NRXN1: variants seen among roughly 807,000 people sequenced by gnomAD.
The protein encoded by NRXN1 is neurexin-1.
Under a neutral mutation model 150.9 loss-of-function variants are expected in NRXN1, and 39 were observed. That is an observed-to-expected ratio of 0.26 (90% CI 0.20 to 0.34). The LOEUF is 0.34. NRXN1 is among the 10% of genes least tolerant of loss of function. The pLI is 1.00. For synonymous variants in NRXN1, 924 were observed against 757.0 expected (o/e 1.22, Z -3.62); for missense variants, 1,815 against 1,949.9 (o/e 0.93, Z 1.30).
At chr2:50,890,922 GAATAA>G (rs1680949715) in intron 5 of NRXN1, among the ~76,000 whole-genome samples, 1 of 151,784 alleles carries the variant, frequency 6.6e-6, no homozygotes, top group Non-Finnish European at 1.5e-5. Context: ...TCAACGTAAA[GAATAA>G]AATAAGTAGA....
chr2:51,028,366 C>T lies in NRXN1; in HGVS notation c.-93G>A. The T allele has an allele frequency of 1.2e-6, 1 of 841,070 alleles. No homozygotes were observed. The highest frequency in any genetic ancestry group is 2.6e-5 in the South Asian group (1 of 39,136). The allele number at this position is 841,070 out of a possible 1,614,324, so 52.1% of individuals were successfully genotyped here. A position where few individuals can be genotyped will look rare whatever the true frequency, so the allele number is the denominator to read the frequency against. On this transcript the variant is annotated 5_prime_UTR_variant, in exon 2 of 23. Transcript: ENST00000401669. ...ACGAAGAAATAAGGGTCCCGAGAGA[C>T]AGAAAGGTAAGGGGAAAGGCGGGAG...
intron 18 of NRXN1, among the ~76,000 whole-genome samples, chr2:50,184,732 A>ATTTTTTTTTTTTTTTTTTTTTTTTTT (rs2060953350): frequency 2.0e-5 from 3 of 151,346 alleles, no homozygotes; most frequent in African/African-American, 7.3e-5. Flanking sequence ...CAATCTTTTA[A>ATTTTTTTTTTTTTTTTTTTTTTTTTT]TTTAACAAAT....
At chr2:50,081,593 C>T (rs1252125071) in intron 19 of NRXN1, among the ~76,000 whole-genome samples, 3 of 152,130 alleles carry the variant, frequency 2.0e-5, no homozygotes, top group South Asian at 2.1e-4. Context: ...TTACAAGATA[C>T]GAAAAGTGGG....
intron 12 of NRXN1, among the ~76,000 whole-genome samples, chr2:50,510,916 T>G (rs922306366): frequency 6.6e-6 from 1 of 152,126 alleles, no homozygotes; most frequent in Non-Finnish European, 1.5e-5. Context: ...ATTTTAGAAC[T>G]AGGAGGGACA....
intron 19 of NRXN1, among the ~76,000 whole-genome samples, chr2:50,084,737 G>T (rs1282330320): frequency 6.6e-6 from 1 of 152,170 alleles, no homozygotes; most frequent in Non-Finnish European, 1.5e-5. Context: ...GCGAGGGAGG[G>T]CTGCTAGCAC....
chr2:50,687,141 A>C (rs921052529), intron 5 of NRXN1, among the ~76,000 whole-genome samples: 1 of 152,178 alleles, frequency 6.6e-6, no homozygotes, highest in East Asian at 1.9e-4. Context: ...GACACTATTT[A>C]CAACCAAATT....
At chr2:50,095,764 C>CT (rs5831084) in intron 18 of NRXN1, among the ~76,000 whole-genome samples, 1 of 146,198 alleles carries the variant, frequency 6.8e-6, no homozygotes, top group Non-Finnish European at 1.5e-5. Context: ...GAACATCCGA[C>CT]TTTTTTTTTT....
At chr2:50,292,106 C>A (rs1025278005) in intron 17 of NRXN1, among the ~76,000 whole-genome samples, 22 of 152,286 alleles carry the variant, frequency 1.4e-4, no homozygotes, top group African/African-American at 5.1e-4. Context: ...AACCAAGGTG[C>A]TTGGCCAAAT....
chr2:50,950,388 G>A (rs1691118788), intron 2 of NRXN1, among the ~76,000 whole-genome samples: 2 of 152,182 alleles, frequency 1.3e-5, no homozygotes, highest in African/African-American at 2.4e-5. Context: ...GACAATTTAG[G>A]CTGGCTTTCA....
At chr2:50,303,503 C>T (rs899024478) in intron 17 of NRXN1, among the ~76,000 whole-genome samples, 1 of 152,186 alleles carries the variant, frequency 6.6e-6, no homozygotes, top group African/African-American at 2.4e-5. Context: ...TCATGCATTA[C>T]TCATGACTTG....
intron 5 of NRXN1, among the ~76,000 whole-genome samples, chr2:50,781,750 A>T (rs1704381992): frequency 1.3e-5 from 2 of 152,224 alleles, no homozygotes; most frequent in Admixed American, 1.3e-4. Context: ...TCATCTAAAA[A>T]TATTTATGCC....
intron 17 of NRXN1, among the ~76,000 whole-genome samples, chr2:50,317,008 G>A (rs1558512541): frequency 2.0e-5 from 3 of 151,894 alleles, no homozygotes; most frequent in South Asian, 2.1e-4. Flanking sequence ...TGGGATCCAC[G>A]AGGACATTAT....
At chr2:50,590,244 T>C (rs577443202) in intron 8 of NRXN1, among the ~76,000 whole-genome samples, 14 of 152,310 alleles carry the variant, frequency 9.2e-5, no homozygotes, top group African/African-American at 3.4e-4. Flanking sequence ...AAGATTGTAT[T>C]TACTTTTTTA....
chr2:50,496,159 G>A lies in NRXN1; in HGVS notation c.2880-64C>T, dbSNP rs747534833. ...TTTAAATTTTGATGAACCTAAAGTA[G>A]ATATTACAAATGGAGATTTTTTTTC... On this transcript the variant is annotated intron_variant, in intron 14 of 22. Coordinates refer to ENST00000401669, the MANE Select transcript of NRXN1 (RefSeq NM_001330078.2). 7 of 1,294,562 alleles carry A rather than the reference G, an allele frequency of 5.4e-6. No homozygotes were observed. In the East Asian group the frequency reaches 1.5e-4, roughly 28 times the overall value. The allele number at this position is 1,294,562 out of a possible 1,614,324, so 80.2% of individuals were successfully genotyped here. A position where few individuals can be genotyped will look rare whatever the true frequency, so the allele number is the denominator to read the frequency against.
rs1253398015 is a variant in NRXN1, at chr2:51,021,071, A to G, written c.772+6431T>C. 2.6e-5 allele frequency among the ~76,000 whole-genome samples: 4 copies of G among 152,032 alleles called. No individual in the cohort carries two copies. The East Asian group carries it at 7.7e-4, about 29-fold the overall frequency. ...ACTTATGAATAATGAATAAAAGAAA[A>G]GGAACTGGGCCACAAAATTATAGAG... On this transcript the variant is annotated intron_variant, in intron 2 of 22. Transcript: ENST00000401669.
At chr2:50,165,976 T>C (rs2059657099) in intron 18 of NRXN1, among the ~76,000 whole-genome samples, 1 of 152,148 alleles carries the variant, frequency 6.6e-6, no homozygotes, top group South Asian at 2.1e-4. Context: ...GACCCTTATC[T>C]TTGTATAATT....
At chr2:50,316,023 G>A (rs537013592) in intron 17 of NRXN1, among the ~76,000 whole-genome samples, 91 of 152,202 alleles carry the variant, frequency 6.0e-4, no homozygotes, top group African/African-American at 2.1e-3. Flanking sequence ...GAAGGAGTTG[G>A]TAGTATGCCT....
At chr2:50,993,866 A>G (rs1489168880) in intron 2 of NRXN1, among the ~76,000 whole-genome samples, 1 of 151,990 alleles carries the variant, frequency 6.6e-6, no homozygotes, top group Non-Finnish European at 1.5e-5. Flanking sequence ...TATGCTGAAA[A>G]GGGGAACCCA....
intron 2 of NRXN1, chr2:50,979,240 T>C (rs376364967): frequency 1.9e-6 from 1 of 517,314 alleles, no homozygotes; most frequent in Non-Finnish European, 3.9e-6. Flanking sequence ...ACTAAGATTC[T>C]CCAGCTAAGA....
Sources: gnomAD v4.1 joint callset for allele counts (sites outside exome capture counted in the v4.1 genomes callset) on GRCh38, gnomAD v4.1.1 for gene constraint, MANE v1.5 for transcripts, NCBI Gene and HGNC (gene_info 2026-07-23, HGNC 2026-07-21) for gene names.